The following PPP6R2 variants were observed in gnomAD, a reference collection of about 807,000 sequenced individuals.
PPP6R2 encodes serine/threonine-protein phosphatase 6 regulatory subunit 2.
PPP6R2 carries 62 observed loss-of-function variants against 100.2 expected under a neutral mutation model. The ratio of observed to expected loss-of-function variants is 0.62; its 90% confidence interval spans 0.50 to 0.76. PPP6R2 has a LOEUF of 0.76. Ranked by LOEUF, PPP6R2 falls within the 30% of genes least tolerant of loss-of-function variation. PPP6R2 has a pLI of 0.00. For synonymous variants in PPP6R2, 525 were observed against 514.7 expected, an observed-to-expected ratio of 1.02 and a Z score of -0.27; for missense variants, 1,142 against 1,276.3, an observed-to-expected ratio of 0.89 and a Z score of 1.60.
intron 1 of PPP6R2, among the ~76,000 whole-genome samples, chr22:50,358,566 G>A (rs2047088198): frequency 1.3e-5 from 2 of 152,166 alleles, no homozygotes; most frequent in Non-Finnish European, 2.9e-5. Context: ...TTTGACATAT[G>A]TATACATTTG....
At chr22:50,375,245 C>G (rs1440667910) in intron 2 of PPP6R2, among the ~76,000 whole-genome samples, 1 of 152,062 alleles carries the variant, frequency 6.6e-6, no homozygotes, top group Non-Finnish European at 1.5e-5. Flanking sequence ...CCCTCCACCC[C>G]AGAAAAACAG....
At chr22:50,393,521 C>T (rs541775790) in intron 2 of PPP6R2, 666 of 982,618 alleles carry the variant, frequency 6.8e-4, no homozygotes, top group Non-Finnish European at 7.4e-4. Flanking sequence ...ATGTCGAGCA[C>T]GCTGGTGGGT....
Position 50,432,258 on chromosome 22 carries a change from C to A in PPP6R2, c.1336-7C>A. 1.3e-6 allele frequency: 2 copies of A among 1,549,678 alleles called. No individual in the cohort carries two copies. The highest frequency in any genetic ancestry group is 1.7e-6 in the Non-Finnish European group (2 of 1,146,870). ...GACTCACGCTGTCCCCCTGCCCCGCCCCCCAGCTGTTCCAGAAGTGCTGCC... is the reference window on the plus strand; with the variant it reads ...GACTCACGCTGTCCCCCTGCCCCGCACCCCAGCTGTTCCAGAAGTGCTGCC... On this transcript the variant is annotated splice_region_variant and splice_polypyrimidine_tract_variant and intron_variant, in intron 11 of 23. Transcript: ENST00000612753.
At chr22:50,338,475 G>GAT (rs759521801), upstream of PPP6R2, among the ~76,000 whole-genome samples, 1 of 137,818 alleles carries the variant, frequency 7.3e-6, no homozygotes, top group Non-Finnish European at 1.6e-5. Flanking sequence ...TGTGTTATGT[G>GAT]TGTGTTATGT....
chr22:50,353,410 T>TA (rs1049458758), intron 1 of PPP6R2, among the ~76,000 whole-genome samples: 21 of 152,256 alleles, frequency 1.4e-4, no homozygotes, highest in Middle Eastern at 3.4e-3. Context: ...GGTCAGAACT[T>TA]ACGCAGCGTT....
At chr22:50,348,477 C>T (rs1294484069) in intron 1 of PPP6R2, among the ~76,000 whole-genome samples, 1 of 152,110 alleles carries the variant, frequency 6.6e-6, no homozygotes, top group East Asian at 1.9e-4. Flanking sequence ...TTTATCCTCC[C>T]AGCCCCATCA....
At chr22:50,339,726 GT>G (rs2042348122), upstream of PPP6R2, among the ~76,000 whole-genome samples, 2 of 141,060 alleles carry the variant, frequency 1.4e-5, no homozygotes, top group East Asian at 2.2e-4. Flanking sequence ...TAGGGTGTGT[GT>G]TGTGTGTGTG....
intron 22 of PPP6R2, among the ~76,000 whole-genome samples, chr22:50,442,421 G>C (rs868549236): frequency 3.3e-5 from 5 of 152,260 alleles, no homozygotes; most frequent in African/African-American, 1.2e-4. Flanking sequence ...GGCACAGCAC[G>C]GGAAACGGGG....
intron 22 of PPP6R2, 140 bp downstream of exon 22, chr22:50,441,166 G>A: frequency 1.3e-6 from 1 of 793,408 alleles, no homozygotes; most frequent in South Asian, 1.9e-5. Context: ...ATGGCCCCGT[G>A]ACCCTTCAGA....
chr22:50,444,232 A>G lies in PPP6R2; in HGVS notation c.2865A>G (p.Leu955=), dbSNP rs1485127947. 1 of 1,613,222 alleles carries G rather than the reference A, an allele frequency of 6.2e-7. No homozygotes were observed. Among genetic ancestry groups the G allele is most frequent in the South Asian group, 1.1e-5 (1 of 91,064 alleles). ...KTDAPPEGAA[L]NGPV The stretch of plus-strand genomic sequence containing the variant: ...ATGCCCCGCCAGAAGGAGCTGCCTT[A>G]AATGGCCCAGTGTGATGCTGCTGCC... Residue 955 remains leucine, a synonymous_variant, in exon 24 of 24, where the codon TTA becomes TTG. Transcript: ENST00000612753.
At chr22:50,391,361 A>T (rs533300266) in intron 2 of PPP6R2, among the ~76,000 whole-genome samples, 11 of 130,344 alleles carry the variant, frequency 8.4e-5, no homozygotes, top group African/African-American at 3.0e-4. Flanking sequence ...TGAACCTGGG[A>T]GGCGGAGGTT....
the PPP6R2 span, among the ~76,000 whole-genome samples, chr22:50,336,447 G>C: frequency 6.6e-6 from 1 of 151,810 alleles, no homozygotes; most frequent in Non-Finnish European, 1.5e-5. Flanking sequence ...CGCGATCTCA[G>C]CTCACTGCAC....
chr22:50,423,759 A>C lies in PPP6R2; in HGVS notation c.1125+145A>C. 9.6e-7 allele frequency: 1 copy of C among 1,039,148 alleles called. No homozygotes were observed. The highest frequency in any genetic ancestry group is 2.3e-5 in the Admixed American group (1 of 43,026). 64.4% of individuals were successfully genotyped at this position (1,039,148 alleles called of 1,614,324 possible). A position where few individuals can be genotyped will look rare whatever the true frequency, so the allele number is the denominator to read the frequency against. ...TTCCAGTCCCAAGTCCCAAGGCTGG[A>C]CTACAGGTCTCTGGCGGGGCACAGA... On this transcript the variant is annotated intron_variant, in intron 10 of 23. Transcript: ENST00000612753. The surrounding 1 kb of genome is among the most constrained non-coding windows in gnomAD (Gnocchi z 4.8).
At chr22:50,338,789 GGTGTGTATGTACGGTGTCTGGTGT>G (rs2042333508), upstream of PPP6R2, among the ~76,000 whole-genome samples, 1 of 137,528 alleles carries the variant, frequency 7.3e-6, no homozygotes, top group African/African-American at 2.8e-5. Flanking sequence ...TGGTGTGTGT[GGTGTGTATGTACGGTGTCTGGTGT>G]GTGTGTGTGT....
At chr22:50,441,083 C>A in intron 22 of PPP6R2, 57 bp downstream of exon 22, 1 of 1,394,322 alleles carries the variant, frequency 7.2e-7, no homozygotes, top group Non-Finnish European at 9.6e-7. Flanking sequence ...GGCTTCCAGG[C>A]TCTGTCCCCA....
chr22:50,351,026 GTTTTTTTTTTTTTTTTT>G (rs1195469509), intron 1 of PPP6R2, among the ~76,000 whole-genome samples: 2 of 80,748 alleles, frequency 2.5e-5, no homozygotes, highest in Non-Finnish European at 4.5e-5. Flanking sequence ...TCTCAACAGT[GTTTTTTTTTTTTTTTTT>G]TTTTTTTTTT....
rs545814415 is a variant in PPP6R2 at position 50,395,629 on chromosome 22, C to T, written c.227+1494C>T. Among the ~76,000 whole-genome samples the T allele has an allele frequency of 1.3e-4, 20 of 152,274 alleles. No individual in the cohort carries two copies. The East Asian group carries it at 2.1e-3, about 16-fold the overall frequency. ...AGGCTGGGGTGCAGTGGCATGATCT[C>T]GGCTCACTAGAGTCTCTGCCTCCTG... On this transcript the variant is annotated intron_variant, in intron 3 of 23. Coordinates refer to ENST00000612753, the MANE Select transcript of PPP6R2 (RefSeq NM_001242898.2).
chr22:50,380,819 C>T (rs959841590), intron 2 of PPP6R2, among the ~76,000 whole-genome samples: 1 of 151,044 alleles, frequency 6.6e-6, no homozygotes, highest in Non-Finnish European at 1.5e-5. Flanking sequence ...GAAACCCCTT[C>T]ACTACTAAAA....
chr22:50,354,347 A>G (rs939995951), intron 1 of PPP6R2, among the ~76,000 whole-genome samples: 2 of 152,044 alleles, frequency 1.3e-5, no homozygotes, highest in Non-Finnish European at 2.9e-5. Context: ...CTGGGACTAG[A>G]GATGTTTTGG....
Sources: allele counts gnomAD v4.1 joint callset (sites outside exome capture counted in the v4.1 genomes callset), GRCh38; gene constraint gnomAD v4.1.1; non-coding constraint Gnocchi (gnomAD v3.1); transcripts MANE v1.5; gene names NCBI Gene and HGNC (gene_info 2026-07-23, HGNC 2026-07-21).